The following ZBBX variants were observed in gnomAD, a reference collection of about 807,000 sequenced individuals.
The protein encoded by ZBBX is zinc finger B-box domain containing.
ZBBX carries 101 observed loss-of-function variants against 108.5 expected under a neutral mutation model. The observed-to-expected ratio is 0.93, with a 90% CI of 0.79 to 1.10. The LOEUF is 1.10. ZBBX is among the 50% of genes least tolerant of loss of function. The pLI, the probability that ZBBX is intolerant of heterozygous loss-of-function variation, is 0.00. For synonymous variants in ZBBX, 356 were observed against 323.4 expected (o/e 1.10, Z -1.08); for missense variants, 1,009 against 941.4 (o/e 1.07, Z -0.94).
At chr3:167,348,261 G>GGAAGGAAGGAA (rs1741869308) in intron 9 of ZBBX, among the ~76,000 whole-genome samples, 1 of 74,684 alleles carries the variant, frequency 1.3e-5, no homozygotes, top group African/African-American at 5.2e-5. Context: ...GAGGGTGGAA[G>GGAAGGAAGGAA]GGAAGGAAGG....
At chr3:167,390,580 G>T (rs567075283) in intron 1 of ZBBX, among the ~76,000 whole-genome samples, 1 of 151,834 alleles carries the variant, frequency 6.6e-6, no homozygotes, top group Non-Finnish European at 1.5e-5. Context: ...ATTAATTTGG[G>T]CAGTATGGCC....
chr3:167,223,528 C>T, the ZBBX span, among the ~76,000 whole-genome samples: 1 of 151,876 alleles, frequency 6.6e-6, no homozygotes, highest in African/African-American at 2.4e-5. Context: ...TTGGGCAAAT[C>T]ACTTAACCTT....
intron 5 of ZBBX, among the ~76,000 whole-genome samples, chr3:167,366,462 G>A (rs952813518): frequency 7.9e-5 from 12 of 151,800 alleles, no homozygotes; most frequent in African/African-American, 2.9e-4. Context: ...TACTTTAGCT[G>A]TACAGTTTTT....
chr3:167,355,333 G>A (rs972744779), intron 8 of ZBBX, among the ~76,000 whole-genome samples: 1 of 152,046 alleles, frequency 6.6e-6, no homozygotes, highest in Non-Finnish European at 1.5e-5. Context: ...CTCATTACGT[G>A]TGATAACTTT....
chr3:167,179,540 G>T, the ZBBX span, among the ~76,000 whole-genome samples: 5 of 152,200 alleles, frequency 3.3e-5, no homozygotes, highest in Non-Finnish European at 7.3e-5. Context: ...GGTAAATAAA[G>T]TCATCAGTTG....
At chr3:167,219,088 T>A in the ZBBX span, among the ~76,000 whole-genome samples, 53 of 152,090 alleles carry the variant, frequency 3.5e-4, no homozygotes, top group South Asian at 0.011. Flanking sequence ...CAAGAGGATA[T>A]AACAAGTTTA....
In ZBBX at chr3:167,285,318, A is replaced by G. The variant is rs916946866; in HGVS notation, c.1997-2823T>C. 3.9e-5 allele frequency among the ~76,000 whole-genome samples: 6 copies of G among 152,250 alleles called. No individual in the cohort carries two copies. In the East Asian group the frequency reaches 1.2e-3, roughly 29 times the overall value. ...GAATTAGATGAAATGTAACTATAGC[A>G]ACATAATTTTAGGTAGCGTTTTAAT... On this transcript the variant is annotated intron_variant, in intron 19 of 21. Transcript: ENST00000675490.
chr3:167,182,607 G>A, the ZBBX span, among the ~76,000 whole-genome samples: 1 of 152,146 alleles, frequency 6.6e-6, no homozygotes, highest in Non-Finnish European at 1.5e-5. Flanking sequence ...ACCCCCAAAA[G>A]TTGGTCTGCA....
the ZBBX span, among the ~76,000 whole-genome samples, chr3:167,179,212 C>G: frequency 6.6e-6 from 1 of 152,196 alleles, no homozygotes; most frequent in Non-Finnish European, 1.5e-5. Context: ...GGGTGACACC[C>G]ATTTGCCAAA....
chr3:167,181,740 A>T, the ZBBX span, among the ~76,000 whole-genome samples: 4 of 152,294 alleles, frequency 2.6e-5, no homozygotes, highest in Admixed American at 6.5e-5. Flanking sequence ...AGATATAACA[A>T]CTTGAATTTC....
chr3:167,280,818 A>G (rs1326421926), intron 20 of ZBBX, among the ~76,000 whole-genome samples: 19 of 151,976 alleles, frequency 1.3e-4, no homozygotes, highest in East Asian at 7.7e-4. Flanking sequence ...TGTTTATTGC[A>G]GCATTATTCA....
the ZBBX span, among the ~76,000 whole-genome samples, chr3:167,209,185 C>T: frequency 6.6e-6 from 1 of 152,104 alleles, no homozygotes; most frequent in African/African-American, 2.4e-5. Context: ...TTTCTGACTT[C>T]AGCCTTGCTG....
chr3:167,367,275 T>C (rs1745460630), intron 5 of ZBBX, among the ~76,000 whole-genome samples: 1 of 151,780 alleles, frequency 6.6e-6, no homozygotes, highest in Non-Finnish European at 1.5e-5. Context: ...CAATGTAAAA[T>C]GCAAATAACA....
chr3:167,220,277 A>C, the ZBBX span, among the ~76,000 whole-genome samples: 1 of 152,038 alleles, frequency 6.6e-6, no homozygotes, highest in South Asian at 2.1e-4. Flanking sequence ...ACGAAGACAC[A>C]TCAAAAAAAG....
At chr3:167,290,955 T>A (rs1224133308) in intron 18 of ZBBX, among the ~76,000 whole-genome samples, 2 of 151,836 alleles carry the variant, frequency 1.3e-5, no homozygotes, top group Admixed American at 1.3e-4. Flanking sequence ...AGAAAGTATA[T>A]CAGAGATTAA....
At chr3:167,406,313 T>C (rs1198436632) in intron 1 of ZBBX, among the ~76,000 whole-genome samples, 1 of 152,248 alleles carries the variant, frequency 6.6e-6, no homozygotes, top group Non-Finnish European at 1.5e-5. Context: ...TGGTAAGGTT[T>C]GGCACAGCGT....
At chr3:167,401,115 A>G (rs918831379) in intron 1 of ZBBX, among the ~76,000 whole-genome samples, 2 of 152,204 alleles carry the variant, frequency 1.3e-5, no homozygotes, top group Non-Finnish European at 2.9e-5. Context: ...TGTCTTTTAG[A>G]AAATAAATCC....
At chr3:167,222,701 A>G in the ZBBX span, among the ~76,000 whole-genome samples, 3 of 151,944 alleles carry the variant, frequency 2.0e-5, no homozygotes, top group African/African-American at 7.2e-5. Context: ...CACCTACTAC[A>G]TAACCTCAGA....
intron 10 of ZBBX, among the ~76,000 whole-genome samples, chr3:167,330,945 T>TTCTCTCTCTCTCTCTCTCTCTCTCTC (rs151154237): frequency 0.045 from 3,904 of 86,774 alleles, 286 homozygotes; most frequent in East Asian, 0.087. Flanking sequence ...CTCTCTTTCT[T>TTCTCTCTCTCTCTCTCTCTCTCTCTC]TCTCTCTCTC....
Sources: gnomAD v4.1 joint callset for allele counts (sites outside exome capture counted in the v4.1 genomes callset) on GRCh38, gnomAD v4.1.1 for gene constraint, MANE v1.5 for transcripts, NCBI Gene and HGNC (gene_info 2026-07-23, HGNC 2026-07-21) for gene names.